Variants in SPOUT1 observed in about 807,000 individuals in gnomAD.
SPOUT1 encodes 28S rRNA (uridine-N(3))-methyltransferase.
In SPOUT1, 40 loss-of-function variants were observed where a neutral mutation model predicts 54.8. The ratio of observed to expected loss-of-function variants is 0.73; its 90% CI spans 0.57 to 0.95. The LOEUF (loss-of-function observed/expected upper bound fraction) is 0.95, where lower values mean the gene tolerates loss of function less well. Ranked by LOEUF, SPOUT1 falls within the 40% of genes least tolerant of loss-of-function variation. The pLI is 0.00. For synonymous variants in SPOUT1, 193 were observed against 200.3 expected (o/e 0.96, Z 0.31); for missense variants, 437 against 499.5 (o/e 0.87, Z 1.19).
chr9:128,822,007 T>TG lies in SPOUT1; in HGVS notation c.*757dup, dbSNP rs1830128733. On this transcript the variant is annotated 3_prime_UTR_variant, in exon 12 of 12. Coordinates refer to ENST00000361256, the MANE Select transcript of SPOUT1 (RefSeq NM_016390.4). ...CTTGCCCACTTGTTGCTCACCTCTGTGGGGAGAGATGGACAGTCGTTAAGT... is the reference window on the plus strand; with the variant it reads ...CTTGCCCACTTGTTGCTCACCTCTGTGGGGGAGAGATGGACAGTCGTTAAGT... 1 of 372,280 alleles carries TG rather than the reference T, an allele frequency of 2.7e-6. No homozygotes were observed. The highest frequency in any genetic ancestry group is 5.1e-6 in the Non-Finnish European group (1 of 197,466). The allele number at this position is 372,280 out of a possible 1,614,324, so 23.1% of individuals were successfully genotyped here.
Position 128,820,520 on chromosome 9 carries a change from T to G in SPOUT1, c.*2245A>C, listed in dbSNP as rs778308247. On this transcript the variant is annotated 3_prime_UTR_variant, in exon 12 of 12. Transcript: ENST00000361256. ...CGACTCTTGGGAGCTGAGAAAAGAC[T>G]TTGACACCTGGGCTGTGGGAGGGAC... The G allele has an allele frequency of 1.6e-5, 9 of 556,756 alleles. No homozygotes were observed. Among genetic ancestry groups the G allele is most frequent in the Non-Finnish European group, 2.9e-5 (9 of 311,860 alleles). 34.5% of individuals were successfully genotyped at this position (556,756 alleles called of 1,614,324 possible).
rs748247687 is a variant in SPOUT1, at chr9:128,826,659, C to A, written c.369-30G>T. ...AGAGAGAGAGATGGGGGCTCAGGATCCAGCTGTGGCCCCTTCAAGAGCTCC... is the reference window on the plus strand; with the variant it reads ...AGAGAGAGAGATGGGGGCTCAGGATACAGCTGTGGCCCCTTCAAGAGCTCC... On this transcript the variant is annotated intron_variant, in intron 4 of 11. Coordinates refer to ENST00000361256, the MANE Select transcript of SPOUT1 (RefSeq NM_016390.4). This position sits in a 1 kb window ranked among gnomAD's most constrained non-coding sequence, Gnocchi z 5.5. 4.8e-6 allele frequency: 7 copies of A among 1,455,570 alleles called. No individual in the cohort carries two copies. The East Asian group carries it at 1.4e-4, about 28-fold the overall frequency. The allele number at this position is 1,455,570 out of a possible 1,614,324, so 90.2% of individuals were successfully genotyped here.
chr9:128,822,896 C>A, intron 11 of SPOUT1, 63 bp from the exon 12 acceptor site: 1 of 1,285,812 alleles, frequency 7.8e-7, no homozygotes, highest in Middle Eastern at 2.6e-4. Flanking sequence ...CCGCTCCCAG[C>A]CTGTCTTCAG....
At position 128,829,787 on chromosome 9, in the gene SPOUT1, C is replaced by T; in HGVS notation, c.-7G>A. On this transcript the variant is annotated 5_prime_UTR_variant, in exon 1 of 12. Coordinates refer to ENST00000361256, the MANE Select transcript of SPOUT1 (RefSeq NM_016390.4). ...TCCTGCCGCGCTCCGCCATGTTCCG[C>T]ACACACCGTCGGTCCCGCCTCTGCC... is the stretch of plus-strand genomic sequence containing the variant. 1 of 1,600,568 alleles carries T rather than the reference C, an allele frequency of 6.2e-7. No homozygotes were observed. The highest frequency in any genetic ancestry group is 8.5e-7 in the Non-Finnish European group (1 of 1,174,304).
chr9:128,821,987 C>T lies in SPOUT1; in HGVS notation c.*778G>A. 3.1e-6 allele frequency: 1 copy of T among 318,666 alleles called. No homozygotes were observed. Among genetic ancestry groups the T allele is most frequent in the Non-Finnish European group, 6.0e-6 (1 of 167,022 alleles). 19.7% of individuals were successfully genotyped at this position (318,666 alleles called of 1,614,324 possible). ...GGATATCACCTGTCATGGTCCTTGC[C>T]CACTTGTTGCTCACCTCTGTGGGGA... On this transcript the variant is annotated 3_prime_UTR_variant, in exon 12 of 12. Coordinates refer to ENST00000361256, the MANE Select transcript of SPOUT1 (RefSeq NM_016390.4).
chr9:128,826,256 G>T lies in SPOUT1; in HGVS notation c.509-104C>A. ...GGCTCTGCCACAGACCTGCGTCTTGGCATCAGACACAGGTCTTGCTCTCCC... is the reference window on the plus strand; with the variant it reads ...GGCTCTGCCACAGACCTGCGTCTTGTCATCAGACACAGGTCTTGCTCTCCC... On this transcript the variant is annotated intron_variant, in intron 6 of 11. Transcript: ENST00000361256. This position sits in a 1 kb window ranked among gnomAD's most constrained non-coding sequence, Gnocchi z 5.5. 2 of 1,541,924 alleles carry T rather than the reference G, an allele frequency of 1.3e-6. No individual in the cohort carries two copies. The highest frequency in any genetic ancestry group is 1.7e-5 in the Admixed American group (1 of 58,774).
chr9:128,822,170 C>A lies in SPOUT1; in HGVS notation c.*595G>T. On this transcript the variant is annotated 3_prime_UTR_variant, in exon 12 of 12. Transcript: ENST00000361256. The stretch of plus-strand genomic sequence containing the variant: ...TAACCACCCTGGAGAGAGTTCCAGC[C>A]TCAAGGAGGAGCCAGGCAGGCTACA... 1.2e-6 allele frequency: 1 copy of A among 838,298 alleles called. No individual in the cohort carries two copies. 51.9% of individuals were successfully genotyped at this position (838,298 alleles called of 1,614,324 possible).
intron 11 of SPOUT1, among the ~76,000 whole-genome samples, chr9:128,823,414 T>A (rs376188294): frequency 6.6e-6 from 1 of 152,134 alleles, no homozygotes; most frequent in East Asian, 1.9e-4. Context: ...AGAGCTGCTG[T>A]GCCCACCGTG....
intron 11 of SPOUT1, 85 bp downstream of exon 11, chr9:128,823,662 G>T (rs1830173711): frequency 2.4e-6 from 3 of 1,264,526 alleles, no homozygotes; most frequent in Non-Finnish European, 3.3e-6. Flanking sequence ...GGGCAAGGGT[G>T]GGTGACAGGG....
Position 128,822,785 on chromosome 9 carries a change from C to T in SPOUT1, c.1111G>A (p.Ala371Thr), listed in dbSNP as rs770733505. Residue 371 changes from alanine (A) to threonine (T), a missense_variant, in exon 12 of 12, where the codon GCG becomes ACG. Coordinates refer to ENST00000361256, the MANE Select transcript of SPOUT1 (RefSeq NM_016390.4). ...AACTTTCAGGTGTGCCGGGCACCCGCCTGGATGAGGCCAGGCTGCAGGGCG... is the reference window on the plus strand; with the variant it reads ...AACTTTCAGGTGTGCCGGGCACCCGTCTGGATGAGGCCAGGCTGCAGGGCG... ...LAALQPGLIQ[A>T]GARHT 2 of 1,586,964 alleles carry T rather than the reference C, an allele frequency of 1.3e-6. No homozygotes were observed. Among genetic ancestry groups the T allele is most frequent in the Middle Eastern group, 1.7e-4 (1 of 6,024 alleles).
chr9:128,822,424 G>C lies in SPOUT1; in HGVS notation c.*341C>G, dbSNP rs149546414. 1.4e-5 allele frequency: 23 copies of C among 1,604,500 alleles called. No homozygotes were observed. Among genetic ancestry groups the C allele is most frequent in the Non-Finnish European group, 1.9e-5 (22 of 1,175,538 alleles). On this transcript the variant is annotated 3_prime_UTR_variant, in exon 12 of 12. Transcript: ENST00000361256. The stretch of plus-strand genomic sequence containing the variant: ...ACTTCTTCAAGGTGCTGATCCTGGA[G>C]GCAGCAGGTGGGCAAATTGAGCTCC...
chr9:128,826,941 G>T lies in SPOUT1; in HGVS notation c.368+91C>A, dbSNP rs1830252774. The T allele has an allele frequency of 7.6e-7, 1 of 1,317,384 alleles. No homozygotes were observed. Among genetic ancestry groups the T allele is most frequent in the African/African-American group, 1.5e-5 (1 of 68,882 alleles). The allele number at this position is 1,317,384 out of a possible 1,614,324, so 81.6% of individuals were successfully genotyped here. The stretch of plus-strand genomic sequence containing the variant: ...AGGCAGGGCACGAGGGAAGAGCCAG[G>T]CATGTGGACGGGGCCATGGTGAAGC... On this transcript the variant is annotated intron_variant, in intron 4 of 11. Transcript: ENST00000361256. This position sits in a 1 kb window ranked among gnomAD's most constrained non-coding sequence, Gnocchi z 5.5.
At chr9:128,823,681 G>C in intron 11 of SPOUT1, 66 bp downstream of exon 11, 2 of 1,432,492 alleles carry the variant, frequency 1.4e-6, no homozygotes, top group South Asian at 1.3e-5. Context: ...GGCAAGAGTA[G>C]CACCCGCCCC....
Position 128,820,060 on chromosome 9 carries a change from C to T in SPOUT1, c.*2705G>A, listed in dbSNP as rs1462925216. On this transcript the variant is annotated 3_prime_UTR_variant, in exon 12 of 12. Transcript: ENST00000361256. ...GGTTGGGGACCCCTAGTCTATAAAA[C>T]CGTGAGCCTCCAGACATTGTCCTAC... 1 of 152,312 alleles carries T rather than the reference C, an allele frequency of 6.6e-6. No individual in the cohort carries two copies. The highest frequency in any genetic ancestry group is 2.4e-5 in the African/African-American group (1 of 41,450). The allele number at this position is 152,312 out of a possible 1,614,324, so 9.4% of individuals were successfully genotyped here.
rs781532030 is a variant in SPOUT1 at position 128,829,745 on chromosome 9, C to A, written c.36G>T (p.Pro12=). 7.5e-6 allele frequency: 12 copies of A among 1,600,612 alleles called. No individual in the cohort carries two copies. The highest frequency in any genetic ancestry group is 1.0e-5 in the Non-Finnish European group (12 of 1,174,428). The change falls in exon 1 of 12, where the codon CCG becomes CCT. Residue 12 remains proline, a splice_region_variant and synonymous_variant. Coordinates refer to ENST00000361256, the MANE Select transcript of SPOUT1 (RefSeq NM_016390.4). ...AERGRKRPCG[P]GEHGQRIEWR... is the part of the protein sequence containing the mutation. ...ACGGGGTCCCGCCGCCCGCACTTACCGGGCCGCACGGCCGCTTCCTGCCGC... is the reference window on the plus strand; with the variant it reads ...ACGGGGTCCCGCCGCCCGCACTTACAGGGCCGCACGGCCGCTTCCTGCCGC...
intron 3 of SPOUT1, among the ~76,000 whole-genome samples, chr9:128,827,686 G>A (rs1463035367): frequency 6.6e-6 from 1 of 152,130 alleles, no homozygotes; most frequent in Non-Finnish European, 1.5e-5. Context: ...GGGAGGCCAA[G>A]GCGGGCGGAT....
Position 128,820,787 on chromosome 9 carries a change from C to G in SPOUT1, c.*1978G>C. The G allele has an allele frequency of 6.2e-7, 1 of 1,612,456 alleles. No homozygotes were observed. Among genetic ancestry groups the G allele is most frequent in the South Asian group, 1.1e-5 (1 of 90,670 alleles). On this transcript the variant is annotated 3_prime_UTR_variant, in exon 12 of 12. Coordinates refer to ENST00000361256, the MANE Select transcript of SPOUT1 (RefSeq NM_016390.4). ...CTGGAACAACCTGGAGAAATATAGC[C>G]GCAGCTTGACCCGCAGCTACCAAAA...
At chr9:128,827,297 G>T in intron 3 of SPOUT1, 106 bp from the exon 4 acceptor site, 1 of 1,134,514 alleles carries the variant, frequency 8.8e-7, no homozygotes, top group Non-Finnish European at 1.2e-6. Context: ...TTTCCCAAGT[G>T]GGAGGAATTT....
In SPOUT1 at chr9:128,822,265, TG is replaced by T; in HGVS notation, c.*499del. On this transcript the variant is annotated 3_prime_UTR_variant, in exon 12 of 12. Transcript: ENST00000361256. ...AGAGGACAGATCAGGGAAGGCTGCCTGGAAGAGGTGGCTTTGGGTTCATCCA... is the reference window on the plus strand; with the variant it reads ...AGAGGACAGATCAGGGAAGGCTGCCTGAAGAGGTGGCTTTGGGTTCATCCA... The T allele has an allele frequency of 1.3e-6, 2 of 1,570,410 alleles. No individual in the cohort carries two copies. Among genetic ancestry groups the T allele is most frequent in the Non-Finnish European group, 1.7e-6 (2 of 1,159,760 alleles).
Sources: allele counts gnomAD v4.1 joint callset (sites outside exome capture counted in the v4.1 genomes callset), GRCh38; gene constraint gnomAD v4.1.1; non-coding constraint Gnocchi (gnomAD v3.1); transcripts MANE v1.5; gene names NCBI Gene and HGNC (gene_info 2026-07-23, HGNC 2026-07-21).